Variants in DHRS9 observed in about 807,000 individuals in gnomAD.
The protein encoded by DHRS9 is dehydrogenase/reductase SDR family member 9.
A neutral mutation model predicts 26.6 loss-of-function variants in DHRS9; 18 were observed. That is an observed-to-expected ratio of 0.68 (90% CI 0.47 to 1.00). The LOEUF is 1.00. Among genes scored for constraint, DHRS9 ranks in the 50% least tolerant of loss-of-function variants. The pLI is 0.00. For synonymous variants in DHRS9, 134 were observed against 141.1 expected (o/e 0.95, Z 0.36); for missense variants, 425 against 378.7 (o/e 1.12, Z -1.01).
chr2:169,076,443 T>A (rs1683964956), intron 1 of DHRS9, among the ~76,000 whole-genome samples: 1 of 152,276 alleles, frequency 6.6e-6, no homozygotes, highest in Non-Finnish European at 1.5e-5. Flanking sequence ...AATTGGTTTC[T>A]GAGCCCTTGG....
At chr2:169,067,771 G>A (rs1437311806), upstream of DHRS9, among the ~76,000 whole-genome samples, 2 of 152,106 alleles carry the variant, frequency 1.3e-5, no homozygotes, top group East Asian at 1.9e-4. Flanking sequence ...TGTGTATATG[G>A]TTACAGTCTG....
chr2:169,095,932 T>C lies in DHRS9; in HGVS notation c.*165T>C, dbSNP rs907211733. 11 of 664,044 alleles carry C rather than the reference T, an allele frequency of 1.7e-5. No homozygotes were observed. Among genetic ancestry groups the C allele is most frequent in the Non-Finnish European group, 2.6e-5 (10 of 385,994 alleles). 41.1% of individuals were successfully genotyped at this position (664,044 alleles called of 1,614,324 possible). A position where few individuals can be genotyped will look rare whatever the true frequency, so the allele number is the denominator to read the frequency against. ...CACCATCGCTGGTGGTATCCCAGGG[T>C]CCCTGCTCAAGTTTTCTTTGAAAAG... On this transcript the variant is annotated 3_prime_UTR_variant, in exon 5 of 5. Coordinates refer to ENST00000674881, the MANE Select transcript of DHRS9 (RefSeq NM_001376924.1).
Position 169,083,321 on chromosome 2 carries a change from T to C in DHRS9, c.314-8T>C, listed in dbSNP as rs1684247809. ...TACCACACCTCTTTTCCTTCCTCTC[T>C]GTTCTAGGTCTCTGGGGTCTGATCA... On this transcript the variant is annotated splice_polypyrimidine_tract_variant and splice_region_variant and intron_variant, in intron 2 of 4. Coordinates refer to ENST00000674881, the MANE Select transcript of DHRS9 (RefSeq NM_001376924.1). 6.2e-7 allele frequency: 1 copy of C among 1,611,752 alleles called. No individual in the cohort carries two copies. Among genetic ancestry groups the C allele is most frequent in the Non-Finnish European group, 8.5e-7 (1 of 1,178,112 alleles).
chr2:169,080,929 T>A (rs771584774), intron 1 of DHRS9: 1 of 153,698 alleles, frequency 6.5e-6, no homozygotes, highest in Admixed American at 6.5e-5. Context: ...CTCATCTGCA[T>A]TGGGGTGTAA....
At chr2:169,070,292 C>A (rs957178361) in intron 1 of DHRS9, 1 of 985,300 alleles carries the variant, frequency 1.0e-6, no homozygotes, top group Admixed American at 6.1e-5. Context: ...CCAGGGGTGG[C>A]AGCAATAAGC....
intron 4 of DHRS9, among the ~76,000 whole-genome samples, chr2:169,094,594 T>A (rs1190626639): frequency 6.6e-6 from 1 of 151,598 alleles, no homozygotes; most frequent in Non-Finnish European, 1.5e-5. Flanking sequence ...GTGCCCAGGA[T>A]GGTCTTGAAC....
intron 4 of DHRS9, among the ~76,000 whole-genome samples, chr2:169,092,334 C>T (rs1684555987): frequency 6.6e-6 from 1 of 152,206 alleles, no homozygotes; most frequent in Non-Finnish European, 1.5e-5. Context: ...TGCCATACCT[C>T]CTCTTTTCCT....
chr2:169,088,398 A>G (rs974545448), intron 3 of DHRS9, among the ~76,000 whole-genome samples: 8 of 152,148 alleles, frequency 5.3e-5, no homozygotes, highest in African/African-American at 1.9e-4. Flanking sequence ...ACAATTCAAG[A>G]CTGTCTTTCC....
chr2:169,080,825 G>A (rs941395556), intron 1 of DHRS9, among the ~76,000 whole-genome samples: 20 of 152,062 alleles, frequency 1.3e-4, no homozygotes, highest in Admixed American at 1.3e-3. Context: ...GTCTGGTTTG[G>A]GACATGGTGC....
rs1049150741 is a variant in DHRS9, at chr2:169,092,436, T to C, written c.736+483T>C. ...CTCTGACCTTTAGTTTACAACCTAG[T>C]TGACAACAAGAAGTAACCAAGCGAG... On this transcript the variant is annotated intron_variant, in intron 4 of 4. Transcript: ENST00000674881. Among the ~76,000 whole-genome samples the C allele has an allele frequency of 2.6e-5, 4 of 152,214 alleles. 1 individual carries two copies. Among genetic ancestry groups the C allele is most frequent in the African/African-American group, 9.7e-5 (4 of 41,442 alleles).
chr2:169,079,316 G>A (rs1309263501), intron 1 of DHRS9, among the ~76,000 whole-genome samples: 1 of 152,036 alleles, frequency 6.6e-6, no homozygotes, highest in East Asian at 1.9e-4. Flanking sequence ...TAGTGTGTGT[G>A]TGTCTGTGTG....
chr2:169,069,525 A>G, upstream of DHRS9: 1 of 985,394 alleles, frequency 1.0e-6, no homozygotes, highest in Non-Finnish European at 1.2e-6. Flanking sequence ...TGACTCACAG[A>G]GCAAGGAGAG....
rs1368858410 is a variant in DHRS9, at chr2:169,079,894, A to AGAGG, written c.-59-1607_-59-1604dup. On this transcript the variant is annotated intron_variant, in intron 1 of 4. Transcript: ENST00000674881. ...GAAAGAAAGAAAGAAAGAGAGAGAGAGAGGGAGGGAGGGAGGGAGGGAGGG... is the reference window on the plus strand; with the variant it reads ...GAAAGAAAGAAAGAAAGAGAGAGAGAGAGGGAGGGAGGGAGGGAGGGAGGGAGGG... Among the ~76,000 whole-genome samples, 22 of 86,330 alleles carry AGAGG rather than the reference A, an allele frequency of 2.5e-4. 1 individual carries two copies. Among genetic ancestry groups the AGAGG allele is most frequent in the African/African-American group, 4.4e-4 (7 of 16,006 alleles). The allele number at this position is 86,330 out of a possible 152,430, so 56.6% of individuals were successfully genotyped here. A position where few individuals can be genotyped will look rare whatever the true frequency, so the allele number is the denominator to read the frequency against.
rs761602408 is a variant in DHRS9, at chr2:169,083,559, G to T, written c.544G>T (p.Ala182Ser). ...VGGGYTPSKY[A>S]VEGFNDSLRR... ...AGGGGGCTATACTCCATCCAAATAT[G>T]CAGTGGAAGGTTTCAATGACAGCTT... The change falls in exon 3 of 5, where the codon GCA (alanine) becomes TCA (serine). Residue 182 changes from alanine (A) to serine (S), a missense_variant. Coordinates refer to ENST00000674881, the MANE Select transcript of DHRS9 (RefSeq NM_001376924.1). 4.3e-6 allele frequency: 7 copies of T among 1,613,888 alleles called. No individual in the cohort carries two copies. In the South Asian group the frequency reaches 5.5e-5, roughly 13 times the overall value.
intron 4 of DHRS9, among the ~76,000 whole-genome samples, chr2:169,092,867 C>T (rs1390323395): frequency 2.6e-5 from 4 of 152,132 alleles, no homozygotes; most frequent in African/African-American, 9.7e-5. Flanking sequence ...CCCCAAAAAA[C>T]TCTTATTATC....
At chr2:169,086,430 T>C (rs1003212493) in intron 3 of DHRS9, among the ~76,000 whole-genome samples, 5 of 152,214 alleles carry the variant, frequency 3.3e-5, no homozygotes, top group Non-Finnish European at 5.9e-5. Context: ...AAACAGCTAT[T>C]TTGAATTCTC....
At chr2:169,072,563 C>CT (rs1574018839) in intron 1 of DHRS9, 1 of 978,918 alleles carries the variant, frequency 1.0e-6, no homozygotes, top group Non-Finnish European at 1.2e-6. Context: ...CCTATTTTAA[C>CT]TTTTTTACTA....
intron 2 of DHRS9, 80 bp downstream of exon 2, chr2:169,081,974 G>C: frequency 1.5e-6 from 2 of 1,375,064 alleles, no homozygotes; most frequent in Non-Finnish European, 2.0e-6. Context: ...ACATGCTCAA[G>C]TTTTAAATGG....
At chr2:169,068,179 C>T (rs1216280267), upstream of DHRS9, among the ~76,000 whole-genome samples, 1 of 152,160 alleles carries the variant, frequency 6.6e-6, no homozygotes, top group Non-Finnish European at 1.5e-5. Flanking sequence ...ATTATTTATA[C>T]CTTACTTCAT....
Sources: allele counts gnomAD v4.1 joint callset (sites outside exome capture counted in the v4.1 genomes callset), GRCh38; gene constraint gnomAD v4.1.1; transcripts MANE v1.5; gene names NCBI Gene and HGNC (gene_info 2026-07-23, HGNC 2026-07-21).